Variants in SULT4A1 observed in about 807,000 individuals in gnomAD.
SULT4A1 encodes the protein sulfotransferase 4A1.
Under a neutral mutation model 35.2 loss-of-function variants are expected in SULT4A1, and 11 were observed. That is an observed-to-expected ratio of 0.31 (90% confidence interval 0.20 to 0.52). The LOEUF (loss-of-function observed/expected upper bound fraction) is 0.52, where lower values mean the gene tolerates loss of function less well. Among genes scored for constraint, SULT4A1 ranks in the 20% least tolerant of loss-of-function variants. The pLI, the probability that SULT4A1 is intolerant of heterozygous loss-of-function variation, is 0.97. For synonymous variants in SULT4A1, 152 were observed against 151.8 expected, an observed-to-expected ratio of 1.00 and a Z score of -0.01; for missense variants, 271 against 383.7, an observed-to-expected ratio of 0.71 and a Z score of 2.45.
At chr22:43,845,148 A>G (rs2063465577) in intron 1 of SULT4A1, among the ~76,000 whole-genome samples, 1 of 152,034 alleles carries the variant, frequency 6.6e-6, no homozygotes, top group Admixed American at 6.5e-5. Context: ...AGCTTAACCC[A>G]CTGTGGTCCC....
chr22:43,834,121 G>A (rs2063346212), intron 4 of SULT4A1, among the ~76,000 whole-genome samples: 1 of 152,202 alleles, frequency 6.6e-6, no homozygotes. Flanking sequence ...GTGGGGTATA[G>A]GAAGCTGTAG....
Position 43,862,199 on chromosome 22 carries a change from C to G in SULT4A1, c.169+15G>C, listed in dbSNP as rs1229107150. On this transcript the variant is annotated intron_variant, in intron 1 of 6. Coordinates refer to ENST00000330884, the MANE Select transcript of SULT4A1 (RefSeq NM_014351.4). ...TGGGGCATGGCGTGGCGGGCGCGGT[C>G]GGCGCGGGGCTCACCGGACTTGGGG... 2 of 1,500,952 alleles carry G rather than the reference C, an allele frequency of 1.3e-6. No homozygotes were observed. The highest frequency in any genetic ancestry group is 5.9e-5 in the East Asian group (2 of 34,038). 93.0% of individuals were successfully genotyped at this position (1,500,952 alleles called of 1,614,324 possible). A position where few individuals can be genotyped will look rare whatever the true frequency, so the allele number is the denominator to read the frequency against.
At chr22:43,833,001 G>A (rs1166455100) in intron 5 of SULT4A1, among the ~76,000 whole-genome samples, 2 of 152,086 alleles carry the variant, frequency 1.3e-5, no homozygotes, top group African/African-American at 4.8e-5. Context: ...ATGGTTTCCA[G>A]CTGGCACTCA....
chr22:43,830,036 G>T (rs147266290), intron 5 of SULT4A1, among the ~76,000 whole-genome samples: 5 of 152,210 alleles, frequency 3.3e-5, no homozygotes, highest in Admixed American at 6.5e-5. Context: ...TGGTGTGGGC[G>T]CCAGCTCCTC....
At chr22:43,834,622 T>G (rs76677568) in intron 4 of SULT4A1, among the ~76,000 whole-genome samples, 1 of 18 alleles carries the variant, frequency 0.056, no homozygotes, top group Non-Finnish European at 0.17. Flanking sequence ...CCCCACCGCG[T>G]CCCTGTGCTT....
intron 5 of SULT4A1, among the ~76,000 whole-genome samples, chr22:43,831,163 G>A (rs2063322730): frequency 6.7e-6 from 1 of 149,374 alleles, no homozygotes; most frequent in Admixed American, 6.7e-5. Flanking sequence ...TTTCACTGGG[G>A]AGCCTGGAAG....
At chr22:43,852,365 A>G (rs2049351347) in intron 1 of SULT4A1, among the ~76,000 whole-genome samples, 1 of 149,526 alleles carries the variant, frequency 6.7e-6, no homozygotes, top group African/African-American at 2.5e-5. Context: ...TTTTGTAGAG[A>G]TGGGGGTCTC....
At chr22:43,859,442 T>A (rs943353248) in intron 1 of SULT4A1, among the ~76,000 whole-genome samples, 1 of 152,242 alleles carries the variant, frequency 6.6e-6, no homozygotes, top group African/African-American at 2.4e-5. Flanking sequence ...CCAGGGACCG[T>A]ATTTCAAAGC....
rs769978752 is a variant in SULT4A1 at position 43,862,323 on chromosome 22, G to A, written c.60C>T (p.Phe20=). 6.4e-7 allele frequency: 1 copy of A among 1,556,070 alleles called. No homozygotes were observed. Among genetic ancestry groups the A allele is most frequent in the South Asian group, 1.1e-5 (1 of 87,190 alleles). ...GCGGCAGCCGCACGCCATGGAACTC[G>A]AAGTACTTGCTCTCGAACTCCCCCG... ...STPGEFESKY[F]EFHGVRLPPF... Residue 20 remains phenylalanine (F), a synonymous_variant, in exon 1 of 7, where the codon TTC becomes TTT. Coordinates refer to ENST00000330884, the MANE Select transcript of SULT4A1 (RefSeq NM_014351.4).
rs1038135194 is a variant in SULT4A1 at position 43,829,582 on chromosome 22, G to A, written c.604-384C>T. Among the ~76,000 whole-genome samples the A allele has an allele frequency of 2.6e-5, 4 of 152,194 alleles. 1 individual carries two copies. Among genetic ancestry groups the A allele is most frequent in the African/African-American group, 9.7e-5 (4 of 41,442 alleles). ...CCTGCTGCCTGTCAGCTGGCGTCTGGGCTGGCCCTTGGGAGCGCAGGGAGG... is the reference window on the plus strand; with the variant it reads ...CCTGCTGCCTGTCAGCTGGCGTCTGAGCTGGCCCTTGGGAGCGCAGGGAGG... On this transcript the variant is annotated intron_variant, in intron 5 of 6. Coordinates refer to ENST00000330884, the MANE Select transcript of SULT4A1 (RefSeq NM_014351.4).
At chr22:43,847,793 C>T (rs1193592596) in intron 1 of SULT4A1, among the ~76,000 whole-genome samples, 4 of 152,248 alleles carry the variant, frequency 2.6e-5, no homozygotes, top group East Asian at 1.9e-4. Context: ...CACACTGTCA[C>T]GCTGTGCCTG....
chr22:43,857,301 CT>C (rs1215150948), intron 1 of SULT4A1, among the ~76,000 whole-genome samples: 1 of 141,826 alleles, frequency 7.1e-6, no homozygotes. Context: ...ACTCAGGAGG[CT>C]GAGGAAAGAG....
intron 1 of SULT4A1, among the ~76,000 whole-genome samples, chr22:43,842,205 T>C (rs1482621168): frequency 6.6e-6 from 1 of 152,152 alleles, no homozygotes; most frequent in Admixed American, 6.5e-5. Flanking sequence ...GCCCCTGTTA[T>C]GGAAGTGGCT....
intron 1 of SULT4A1, among the ~76,000 whole-genome samples, chr22:43,853,988 T>C (rs1304940297): frequency 1.3e-5 from 2 of 152,120 alleles, no homozygotes; most frequent in African/African-American, 2.4e-5. Context: ...GAGAAACTAG[T>C]TGTAAGAAGC....
At chr22:43,860,249 A>G (rs946226546) in intron 1 of SULT4A1, among the ~76,000 whole-genome samples, 6 of 152,150 alleles carry the variant, frequency 3.9e-5, no homozygotes, top group Non-Finnish European at 7.3e-5. Flanking sequence ...AGTCCTGGCT[A>G]CTTGCCCCAA....
chr22:43,860,211 G>A (rs149031692), intron 1 of SULT4A1, among the ~76,000 whole-genome samples: 10 of 152,310 alleles, frequency 6.6e-5, no homozygotes, highest in African/African-American at 2.4e-4. Flanking sequence ...TGGGTTCCCT[G>A]CCATGGCAGG....
rs1408184736 is a variant in SULT4A1, at chr22:43,839,938, A to G, written c.381+7T>C. On this transcript the variant is annotated splice_region_variant and intron_variant, in intron 3 of 6. Transcript: ENST00000330884. The stretch of plus-strand genomic sequence containing the variant: ...CATCTCGGGAGGCAGAGGAGGTGCC[A>G]GCTTACCTTGGAGTCTCCATTGTGG... 6.2e-7 allele frequency: 1 copy of G among 1,603,496 alleles called. No individual in the cohort carries two copies. Among genetic ancestry groups the G allele is most frequent in the African/African-American group, 1.3e-5 (1 of 74,752 alleles).
intron 4 of SULT4A1, among the ~76,000 whole-genome samples, chr22:43,837,718 T>A (rs760913772): frequency 2.4e-4 from 37 of 152,180 alleles, no homozygotes; most frequent in Non-Finnish European, 1.0e-4. Context: ...AGTCAGCCTG[T>A]GGCGCCCTGC....
At chr22:43,855,178 G>T (rs887222519) in intron 1 of SULT4A1, among the ~76,000 whole-genome samples, 1 of 152,214 alleles carries the variant, frequency 6.6e-6, no homozygotes, top group African/African-American at 2.4e-5. Context: ...CCAAAGCCAG[G>T]CCCATTGGAA....
Sources: allele counts gnomAD v4.1 joint callset (sites outside exome capture counted in the v4.1 genomes callset), GRCh38; gene constraint gnomAD v4.1.1; transcripts MANE v1.5; gene names NCBI Gene and HGNC (gene_info 2026-07-23, HGNC 2026-07-21).